LTBP1: variants seen among roughly 807,000 people sequenced by gnomAD.
LTBP1 encodes latent transforming growth factor beta binding protein 1.
LTBP1 carries 129 observed loss-of-function variants against 207.6 expected under a neutral mutation model. That is an observed-to-expected ratio of 0.62 (90% CI 0.54 to 0.72). LTBP1 has a LOEUF of 0.72. Among genes scored for constraint, LTBP1 ranks in the 30% least tolerant of loss-of-function variants. LTBP1 has a pLI of 0.00. For missense variants in LTBP1, 2,281 were observed against 2,217.2 expected, an observed-to-expected ratio of 1.03 and a Z score of -0.58; for synonymous variants, 963 against 833.7, an observed-to-expected ratio of 1.16 and a Z score of -2.67.
chr2:33,128,016 A>G (rs1450143198), intron 4 of LTBP1, among the ~76,000 whole-genome samples: 1 of 152,158 alleles, frequency 6.6e-6, no homozygotes, highest in Non-Finnish European at 1.5e-5. Context: ...TATTTGTCAT[A>G]ACAATGATAT....
rs1403418008 is a variant in LTBP1, at chr2:33,301,556, T to C, written c.3393T>C (p.Ala1131=). 1.9e-6 allele frequency: 3 copies of C among 1,611,550 alleles called. No individual in the cohort carries two copies. Among genetic ancestry groups the C allele is most frequent in the Admixed American group, 3.4e-5 (2 of 59,380 alleles). ...IDECQHRHLC[A]HGQCRNTEGS... is the part of the protein sequence containing the mutation. ...AATGCCAGCACCGTCATCTCTGTGC[T>C]CATGGGCAGTGCAGGAACACTGAGG... The change falls in exon 22 of 34, where the codon GCT becomes GCC. Residue 1131 remains alanine (A), a synonymous_variant. Transcript: ENST00000404816.
At chr2:33,201,655 A>G (rs1240616668) in intron 7 of LTBP1, among the ~76,000 whole-genome samples, 2 of 152,178 alleles carry the variant, frequency 1.3e-5, no homozygotes, top group African/African-American at 4.8e-5. Flanking sequence ...AAGAAGAAAA[A>G]AAAAGAAACA....
chr2:33,011,773 A>G (rs1300750626), intron 2 of LTBP1, among the ~76,000 whole-genome samples: 1 of 152,008 alleles, frequency 6.6e-6, no homozygotes, highest in Non-Finnish European at 1.5e-5. Flanking sequence ...CTGGACCTGC[A>G]TACTAGACAC....
intron 31 of LTBP1, among the ~76,000 whole-genome samples, chr2:33,380,248 G>C (rs1308982939): frequency 6.6e-6 from 1 of 152,078 alleles, no homozygotes; most frequent in Non-Finnish European, 1.5e-5. Context: ...AAGACAAATT[G>C]TCTTTCCAAG....
intron 20 of LTBP1, among the ~76,000 whole-genome samples, chr2:33,294,575 A>ATTT (rs1181582118): frequency 4.0e-5 from 5 of 124,880 alleles, no homozygotes; most frequent in Admixed American, 8.7e-5. Context: ...ATTGGGTAAA[A>ATTT]TTTTTTTTTT....
chr2:33,116,893 C>T (rs1428068221), intron 4 of LTBP1, among the ~76,000 whole-genome samples: 2 of 152,172 alleles, frequency 1.3e-5, no homozygotes, highest in Non-Finnish European at 2.9e-5. Context: ...AAGAAGCACG[C>T]ACAGGGTCCC....
intron 24 of LTBP1, among the ~76,000 whole-genome samples, chr2:33,326,498 T>TA (rs111611307): frequency 2.9e-4 from 43 of 148,728 alleles, no homozygotes; most frequent in Non-Finnish European, 4.5e-4. Flanking sequence ...TTTATTGGAT[T>TA]AAAAAAAAAA....
At chr2:32,948,988 TG>T in intron 2 of LTBP1, 43 bp downstream of exon 2, 1 of 1,596,574 alleles carries the variant, frequency 6.3e-7, no homozygotes, top group Non-Finnish European at 8.6e-7. Context: ...GTAGGCAAAG[TG>T]GGGGGAGGTG....
chr2:33,086,003 C>T (rs2078735388), intron 3 of LTBP1, among the ~76,000 whole-genome samples: 1 of 152,178 alleles, frequency 6.6e-6, no homozygotes, highest in Admixed American at 6.5e-5. Flanking sequence ...AATGGGATCC[C>T]AACAGGTGGA....
chr2:33,338,920 C>G (rs781505325), intron 24 of LTBP1, among the ~76,000 whole-genome samples: 1 of 152,074 alleles, frequency 6.6e-6, no homozygotes, highest in Non-Finnish European at 1.5e-5. Context: ...GCTCCATGCC[C>G]TACTAAGGAG....
intron 3 of LTBP1, among the ~76,000 whole-genome samples, chr2:33,034,503 G>T (rs1336745438): frequency 1.3e-5 from 2 of 152,082 alleles, no homozygotes; most frequent in Non-Finnish European, 1.5e-5. Context: ...AATCTATAAG[G>T]ATCAGAAAAT....
chr2:33,134,601 C>T lies in LTBP1; in HGVS notation c.1034-192C>T. The stretch of plus-strand genomic sequence containing the variant: ...AAGCTTCCTACTCCTGTTTCAGAGA[C>T]ACCACTGAATACAGAGCAGCGAGCA... On this transcript the variant is annotated intron_variant, in intron 4 of 33. Transcript: ENST00000404816. The surrounding 1 kb of genome is among the most constrained non-coding windows in gnomAD (Gnocchi z 4.4). 1 of 1,537,582 alleles carries T rather than the reference C, an allele frequency of 6.5e-7. No individual in the cohort carries two copies. Among genetic ancestry groups the T allele is most frequent in the African/African-American group, 1.4e-5 (1 of 73,042 alleles).
intron 20 of LTBP1, among the ~76,000 whole-genome samples, chr2:33,299,947 AAAAT>A (rs1378958408): frequency 6.6e-6 from 1 of 152,224 alleles, no homozygotes; most frequent in Non-Finnish European, 1.5e-5. Context: ...TGTTACTTTG[AAAAT>A]GAGCCAGAGT....
At chr2:33,178,304 A>AAT (rs934420213) in intron 5 of LTBP1, among the ~76,000 whole-genome samples, 1 of 152,146 alleles carries the variant, frequency 6.6e-6, no homozygotes, top group African/African-American at 2.4e-5. Flanking sequence ...TGACATGCCT[A>AAT]ATATATGGAG....
intron 29 of LTBP1, 114 bp from the exon 30 acceptor site, chr2:33,364,102 A>C: frequency 1.0e-6 from 1 of 958,548 alleles, no homozygotes; most frequent in Non-Finnish European, 1.5e-6. Context: ...GGTTAATTAA[A>C]ATTTGGCAGC....
intron 3 of LTBP1, among the ~76,000 whole-genome samples, chr2:33,072,844 C>G (rs1178321360): frequency 6.6e-6 from 1 of 152,196 alleles, no homozygotes; most frequent in Non-Finnish European, 1.5e-5. Flanking sequence ...AAACTTCAGC[C>G]TATGTTATTT....
intron 4 of LTBP1, among the ~76,000 whole-genome samples, chr2:33,130,512 T>C (rs1270203254): frequency 6.6e-6 from 1 of 152,248 alleles, no homozygotes. Context: ...TAGACTGATG[T>C]CTGTTTGTCA....
intron 20 of LTBP1, among the ~76,000 whole-genome samples, chr2:33,297,962 C>G (rs150284850): frequency 2.4e-4 from 37 of 152,274 alleles, no homozygotes; most frequent in African/African-American, 8.7e-4. Context: ...CTGGATCCAT[C>G]TGATGTTTTT....
intron 5 of LTBP1, among the ~76,000 whole-genome samples, chr2:33,150,633 G>A (rs185268552): frequency 0.015 from 2,307 of 149,996 alleles, 23 homozygotes; most frequent in East Asian, 0.027. Context: ...GAGTATTTTA[G>A]AGACTTACTA....
Sources: gnomAD v4.1 joint callset for allele counts (sites outside exome capture counted in the v4.1 genomes callset) on GRCh38, gnomAD v4.1.1 for gene constraint, Gnocchi (gnomAD v3.1) non-coding constraint, MANE v1.5 for transcripts, NCBI Gene and HGNC (gene_info 2026-07-23, HGNC 2026-07-21) for gene names.